The following UBXN2A variants were observed in gnomAD, a reference collection of about 807,000 sequenced individuals.
The protein encoded by UBXN2A is UBX domain protein 2A, also known as UBX domain-containing protein 2A.
In UBXN2A, 28 loss-of-function variants were observed where a neutral mutation model predicts 28.4. The observed-to-expected ratio is 0.99, with a 90% confidence interval of 0.73 to 1.35. The LOEUF is 1.35. UBXN2A is among the 40% of genes most tolerant of loss of function. The pLI, the probability that UBXN2A is intolerant of heterozygous loss-of-function variation, is 0.00. For missense variants in UBXN2A, 253 were observed against 297.9 expected, an observed-to-expected ratio of 0.85 and a Z score of 1.11; for synonymous variants, 97 against 103.6, an observed-to-expected ratio of 0.94 and a Z score of 0.39.
At chr2:23,981,383 T>A (rs1707891484) in intron 4 of UBXN2A, among the ~76,000 whole-genome samples, 1 of 134,684 alleles carries the variant, frequency 7.4e-6, no homozygotes, top group African/African-American at 2.8e-5. Flanking sequence ...GAAGCTAAGA[T>A]GGGAGAATCG....
At chr2:23,998,678 G>A (rs533408945) in intron 6 of UBXN2A, among the ~76,000 whole-genome samples, 5 of 152,184 alleles carry the variant, frequency 3.3e-5, no homozygotes, top group Admixed American at 2.6e-4. Context: ...CCAAGATCAC[G>A]CCGCTGCATT....
At chr2:23,930,775 T>C (rs1705342827) in intron 1 of UBXN2A, among the ~76,000 whole-genome samples, 2 of 152,040 alleles carry the variant, frequency 1.3e-5, no homozygotes, top group African/African-American at 4.8e-5. Flanking sequence ...TCCCAGAATT[T>C]AGAGAGGCCA....
At position 23,977,048 on chromosome 2, in the gene UBXN2A, A is replaced by C; in HGVS notation, c.260A>C (p.Gln87Pro). The change falls in exon 4 of 7, where the codon CAG becomes CCG. Residue 87 changes from glutamine to proline, a missense_variant. Physicochemically the swap from Gln to Pro is moderately conservative, Grantham distance 76 (BLOSUM62 -1). Transcript: ENST00000309033. ...AGAAGTTATTCCGATGGTGCCAGTCAGCAGTTTTTGAACTCCATCAAAAAG... is the reference window on the plus strand; with the variant it reads ...AGAAGTTATTCCGATGGTGCCAGTCCGCAGTTTTTGAACTCCATCAAAAAG... ...DFRSYSDGAS[Q>P]QFLNSIKKGE... 6.2e-7 allele frequency: 1 copy of C among 1,613,078 alleles called. No individual in the cohort carries two copies. The highest frequency in any genetic ancestry group is 8.5e-7 in the Non-Finnish European group (1 of 1,179,178).
chr2:23,951,740 C>T (rs1706382505), intron 1 of UBXN2A, among the ~76,000 whole-genome samples: 1 of 151,974 alleles, frequency 6.6e-6, no homozygotes, highest in East Asian at 1.9e-4. Flanking sequence ...GGATTACAGG[C>T]ATGAGTCACT....
intron 5 of UBXN2A, 107 bp downstream of exon 5, chr2:23,983,140 C>A: frequency 2.4e-6 from 3 of 1,245,734 alleles, no homozygotes; most frequent in East Asian, 2.8e-5. Context: ...ATCATTTCTC[C>A]CATTGGAAAT....
intron 1 of UBXN2A, among the ~76,000 whole-genome samples, chr2:23,953,320 A>G (rs939307166): frequency 6.6e-5 from 10 of 152,106 alleles, no homozygotes; most frequent in Non-Finnish European, 8.8e-5. Context: ...TCTCATATCT[A>G]CTCATTACCC....
intron 6 of UBXN2A, among the ~76,000 whole-genome samples, chr2:23,988,303 C>T (rs1012181058): frequency 4.6e-5 from 7 of 152,248 alleles, no homozygotes; most frequent in East Asian, 3.9e-4. Flanking sequence ...ACGCTTGTAT[C>T]GACTAATAGA....
At chr2:23,987,098 G>GA (rs539193584) in intron 6 of UBXN2A, among the ~76,000 whole-genome samples, 15,541 of 143,038 alleles carry the variant, frequency 0.11, 913 homozygotes, top group Middle Eastern at 0.17. Flanking sequence ...GTCTCAAAAG[G>GA]AAAAAAAAAA....
chr2:23,991,898 T>A (rs1428800892), intron 6 of UBXN2A, among the ~76,000 whole-genome samples: 1 of 152,138 alleles, frequency 6.6e-6, no homozygotes, highest in Non-Finnish European at 1.5e-5. Context: ...TTCAAGCAAT[T>A]CTCGTCCCTC....
chr2:23,967,952 G>A (rs1332577956), intron 2 of UBXN2A, among the ~76,000 whole-genome samples: 1 of 151,508 alleles, frequency 6.6e-6, no homozygotes, highest in Non-Finnish European at 1.5e-5. Context: ...TAAGAGATGA[G>A]GTCTCACTAT....
At chr2:23,962,491 C>CA (rs1276514125) in intron 2 of UBXN2A, among the ~76,000 whole-genome samples, 1 of 151,720 alleles carries the variant, frequency 6.6e-6, no homozygotes, top group Non-Finnish European at 1.5e-5. Flanking sequence ...AACTCAGTAG[C>CA]AAAAAACTAA....
intron 4 of UBXN2A, among the ~76,000 whole-genome samples, chr2:23,982,244 G>A (rs1000220683): frequency 6.6e-6 from 1 of 151,626 alleles, no homozygotes; most frequent in African/African-American, 2.4e-5. Flanking sequence ...GCAGGCGCCT[G>A]TAGTCCCAGC....
At chr2:23,974,354 T>A (rs1193989980) in intron 3 of UBXN2A, among the ~76,000 whole-genome samples, 6 of 145,286 alleles carry the variant, frequency 4.1e-5, no homozygotes, top group East Asian at 2.1e-4. Context: ...ACTTTTTTTT[T>A]TTTTATTTTG....
At chr2:23,934,220 A>T (rs116353223) in intron 1 of UBXN2A, among the ~76,000 whole-genome samples, 2,388 of 152,282 alleles carry the variant, frequency 0.016, 70 homozygotes, top group African/African-American at 0.055. Flanking sequence ...TAAAATAAAA[A>T]AAAAAAATTG....
intron 6 of UBXN2A, among the ~76,000 whole-genome samples, chr2:23,986,666 G>A (rs1708145582): frequency 6.7e-6 from 1 of 149,722 alleles, no homozygotes; most frequent in East Asian, 2.0e-4. Context: ...GGAGTGCAGT[G>A]GCACGATCTC....
chr2:23,977,094 T>C lies in UBXN2A; in HGVS notation c.287+19T>C. Reference sequence around the variant, plus strand: ...AAAAGGGGTGAGTAGCCAGGTGTGGTAGGTCAAGCCTGTAAACCCAAAACT... The same window carrying C: ...AAAAGGGGTGAGTAGCCAGGTGTGGCAGGTCAAGCCTGTAAACCCAAAACT... On this transcript the variant is annotated intron_variant, in intron 4 of 6. Transcript: ENST00000309033. 1 of 1,602,538 alleles carries C rather than the reference T, an allele frequency of 6.2e-7. No homozygotes were observed. Among genetic ancestry groups the C allele is most frequent in the Non-Finnish European group, 8.5e-7 (1 of 1,170,682 alleles).
chr2:23,951,967 C>CTTT (rs901333812), intron 1 of UBXN2A, among the ~76,000 whole-genome samples: 6 of 132,356 alleles, frequency 4.5e-5, no homozygotes, highest in Non-Finnish European at 8.1e-5. Context: ...AGTTTTTTTC[C>CTTT]TTTTTTTTTT....
chr2:23,992,199 T>G (rs1481174926), intron 6 of UBXN2A, among the ~76,000 whole-genome samples: 2 of 152,024 alleles, frequency 1.3e-5, no homozygotes, highest in Non-Finnish European at 2.9e-5. Flanking sequence ...CTTGATCTCC[T>G]GACCTCATGA....
At chr2:23,995,366 C>G (rs1214136458) in intron 6 of UBXN2A, among the ~76,000 whole-genome samples, 1 of 152,022 alleles carries the variant, frequency 6.6e-6, no homozygotes, top group Non-Finnish European at 1.5e-5. Context: ...TCACATAGCG[C>G]TTTTATGTTT....
Sources: gnomAD v4.1 joint callset for allele counts (sites outside exome capture counted in the v4.1 genomes callset) on GRCh38, gnomAD v4.1.1 for gene constraint, MANE v1.5 for transcripts, NCBI Gene and HGNC (gene_info 2026-07-23, HGNC 2026-07-21) for gene names.